THSD7A: variants seen among roughly 807,000 people sequenced by gnomAD.
The protein encoded by THSD7A is thrombospondin type 1 domain containing 7A.
THSD7A carries 96 observed loss-of-function variants against 231.3 expected under a neutral mutation model. The observed-to-expected ratio is 0.41, with a 90% confidence interval of 0.35 to 0.49. The LOEUF is 0.49. THSD7A is among the 20% of genes least tolerant of loss of function. THSD7A has a pLI of 0.05. For synonymous variants in THSD7A, 940 were observed against 743.3 expected, an observed-to-expected ratio of 1.26 and a Z score of -4.30; for missense variants, 2,290 against 2,070.2, an observed-to-expected ratio of 1.11 and a Z score of -2.06.
chr7:11,829,106 A>T (rs1785112332), intron 1 of THSD7A, among the ~76,000 whole-genome samples: 2 of 152,084 alleles, frequency 1.3e-5, no homozygotes, highest in Admixed American at 1.3e-4. Flanking sequence ...TAAAATATGT[A>T]TTAATTGACT....
chr7:11,492,670 C>A (rs10950351), intron 6 of THSD7A, among the ~76,000 whole-genome samples: 2 of 151,732 alleles, frequency 1.3e-5, no homozygotes, highest in African/African-American at 4.8e-5. Flanking sequence ...TTGGAGAGAA[C>A]TGAAGCTAAG....
At chr7:11,797,978 C>T (rs990892661) in intron 1 of THSD7A, among the ~76,000 whole-genome samples, 6 of 151,874 alleles carry the variant, frequency 4.0e-5, no homozygotes, top group African/African-American at 9.7e-5. Flanking sequence ...TCAGCCATCT[C>T]GAATTTCACT....
chr7:11,409,383 T>C (rs1783702887), intron 19 of THSD7A, among the ~76,000 whole-genome samples: 1 of 152,216 alleles, frequency 6.6e-6, no homozygotes, highest in African/African-American at 2.4e-5. Context: ...TTTGCTAGAA[T>C]GTTAAAACTA....
chr7:11,438,613 A>G (rs1473502146), intron 13 of THSD7A, among the ~76,000 whole-genome samples: 2 of 152,188 alleles, frequency 1.3e-5, no homozygotes, highest in East Asian at 3.9e-4. Context: ...GAGATATTAT[A>G]TTAATAAGGC....
At chr7:11,499,275 T>C (rs1787235985) in intron 6 of THSD7A, among the ~76,000 whole-genome samples, 1 of 152,216 alleles carries the variant, frequency 6.6e-6, no homozygotes, top group Non-Finnish European at 1.5e-5. Flanking sequence ...CTGACTACAC[T>C]GGGCATGACC....
intron 1 of THSD7A, among the ~76,000 whole-genome samples, chr7:11,817,763 G>T (rs761847981): frequency 6.6e-6 from 1 of 152,018 alleles, no homozygotes; most frequent in Non-Finnish European, 1.5e-5. Flanking sequence ...ATATCACATG[G>T]TATAGCTACA....
chr7:11,789,809 G>A (rs1222203616), intron 1 of THSD7A, among the ~76,000 whole-genome samples: 1 of 151,898 alleles, frequency 6.6e-6, no homozygotes, highest in African/African-American at 2.4e-5. Flanking sequence ...TCATGCATCT[G>A]TACTTTCCTT....
intron 1 of THSD7A, among the ~76,000 whole-genome samples, chr7:11,823,170 T>C (rs989221765): frequency 2.0e-5 from 3 of 152,098 alleles, no homozygotes; most frequent in Non-Finnish European, 4.4e-5. Flanking sequence ...CTTCTGCATA[T>C]GGAAGTTCAA....
At chr7:11,556,189 T>C (rs1387430440) in intron 4 of THSD7A, among the ~76,000 whole-genome samples, 2 of 151,734 alleles carry the variant, frequency 1.3e-5, no homozygotes, top group African/African-American at 4.8e-5. Flanking sequence ...ACCATTTTGA[T>C]TTATCTACAG....
chr7:11,744,268 A>G (rs978190236), intron 1 of THSD7A, among the ~76,000 whole-genome samples: 5 of 151,818 alleles, frequency 3.3e-5, no homozygotes, highest in African/African-American at 1.2e-4. Flanking sequence ...CCTGAGATAC[A>G]TACTGACTGA....
intron 1 of THSD7A, among the ~76,000 whole-genome samples, chr7:11,798,358 A>G (rs1784185078): frequency 6.6e-6 from 1 of 151,830 alleles, no homozygotes; most frequent in African/African-American, 2.4e-5. Context: ...GTAATCCTAG[A>G]TACTCGGGAG....
intron 1 of THSD7A, among the ~76,000 whole-genome samples, chr7:11,685,504 C>T (rs1780011490): frequency 6.6e-6 from 1 of 151,702 alleles, no homozygotes; most frequent in African/African-American, 2.4e-5. Flanking sequence ...CCAGAGTCTG[C>T]AAGGAACTTA....
At chr7:11,471,733 A>C (rs1471206526) in intron 8 of THSD7A, among the ~76,000 whole-genome samples, 1 of 152,096 alleles carries the variant, frequency 6.6e-6, no homozygotes, top group East Asian at 1.9e-4. Context: ...TCATAGAAGC[A>C]AATTTATTAT....
chr7:11,541,943 C>CAG (rs55763092), intron 5 of THSD7A, among the ~76,000 whole-genome samples: 64,811 of 151,714 alleles, frequency 0.43, 13,942 homozygotes, highest in Middle Eastern at 0.57. Flanking sequence ...AGGGTGGGAA[C>CAG]AGAGAGAGAG....
At chr7:11,743,602 A>G (rs971375755) in intron 1 of THSD7A, among the ~76,000 whole-genome samples, 3 of 151,820 alleles carry the variant, frequency 2.0e-5, no homozygotes, top group African/African-American at 7.2e-5. Flanking sequence ...AAATATTATC[A>G]TTTCATTTTA....
At chr7:11,419,859 A>G (rs1194551822) in intron 16 of THSD7A, among the ~76,000 whole-genome samples, 1 of 152,198 alleles carries the variant, frequency 6.6e-6, no homozygotes, top group Admixed American at 6.5e-5. Context: ...CTTTTGCTAT[A>G]CTTTAGCAAA....
intron 1 of THSD7A, among the ~76,000 whole-genome samples, chr7:11,795,191 G>A (rs1464937292): frequency 6.6e-6 from 1 of 151,872 alleles, no homozygotes; most frequent in African/African-American, 2.4e-5. Context: ...CATTCTAAGT[G>A]AAATTAGCAT....
In THSD7A at chr7:11,375,650, T is replaced by A; in HGVS notation, c.*144A>T. 1.5e-6 allele frequency: 1 copy of A among 646,102 alleles called. No individual in the cohort carries two copies. 40.0% of individuals were successfully genotyped at this position (646,102 alleles called of 1,614,324 possible). A position where few individuals can be genotyped will look rare whatever the true frequency, so the allele number is the denominator to read the frequency against. ...GTCTTAAATATCTCCAGTGGCAGTA[T>A]GATTTTCACTCTTGTCTTTATGATG... On this transcript the variant is annotated 3_prime_UTR_variant, in exon 28 of 28. Coordinates refer to ENST00000423059, the MANE Select transcript of THSD7A (RefSeq NM_015204.3).
intron 1 of THSD7A, among the ~76,000 whole-genome samples, chr7:11,641,164 C>T (rs900319153): frequency 6.6e-6 from 1 of 152,104 alleles, no homozygotes; most frequent in Non-Finnish European, 1.5e-5. Flanking sequence ...CCAGGAACAT[C>T]ACATACGTGT....
Sources: allele counts gnomAD v4.1 joint callset (sites outside exome capture counted in the v4.1 genomes callset), GRCh38; gene constraint gnomAD v4.1.1; transcripts MANE v1.5; gene names NCBI Gene and HGNC (gene_info 2026-07-23, HGNC 2026-07-21).